AGPAT4: variants seen among roughly 807,000 people sequenced by gnomAD.
AGPAT4 encodes 1-acyl-sn-glycerol-3-phosphate acyltransferase delta.
Under a neutral mutation model 48.0 loss-of-function variants are expected in AGPAT4, and 15 were observed. That is an observed-to-expected ratio of 0.31 (90% CI 0.21 to 0.48). The LOEUF (loss-of-function observed/expected upper bound fraction) is 0.48, where lower values mean the gene tolerates loss of function less well. Among genes scored for constraint, AGPAT4 ranks in the 20% least tolerant of loss-of-function variants. The pLI is 0.99. For synonymous variants in AGPAT4, 178 were observed against 198.7 expected (o/e 0.90, Z 0.88); for missense variants, 314 against 482.5 (o/e 0.65, Z 3.27).
At position 161,267,569 on chromosome 6, in the gene AGPAT4, A is replaced by G. The variant is rs1783301861; in HGVS notation, c.-90+6369T>C. Among the ~76,000 whole-genome samples, 1 of 152,002 alleles carries G rather than the reference A, an allele frequency of 6.6e-6. No individual in the cohort carries two copies. The highest frequency in any genetic ancestry group is 6.6e-5 in the Admixed American group (1 of 15,266). The stretch of plus-strand genomic sequence containing the variant: ...TCTCTACTAAAAATACACACGCAAA[A>G]AAATTAGCCAGGTGTGGTGGCGCAC... On this transcript the variant is annotated intron_variant, in intron 1 of 8. Coordinates refer to ENST00000320285, the MANE Select transcript of AGPAT4 (RefSeq NM_020133.3). This position sits in a 1 kb window ranked among gnomAD's most constrained non-coding sequence, Gnocchi z 5.2.
At chr6:161,186,899 T>A (rs1001092451) in intron 2 of AGPAT4, among the ~76,000 whole-genome samples, 3 of 152,198 alleles carry the variant, frequency 2.0e-5, no homozygotes, top group Non-Finnish European at 4.4e-5. Flanking sequence ...TTTCCAAGTT[T>A]CAGTTCAAAT....
In AGPAT4 at chr6:161,146,639, C is replaced by G. The variant is rs1315741518; in HGVS notation, c.768-40G>C. On this transcript the variant is annotated intron_variant, in intron 6 of 8. Transcript: ENST00000320285. The surrounding 1 kb of genome is among the most constrained non-coding windows in gnomAD (Gnocchi z 7.1). ...AGCAGCTAGCAGAGAGGAGGTGATG[C>G]CCCCCTACAACATACAGTTTCCAGT... 9 of 1,589,674 alleles carry G rather than the reference C, an allele frequency of 5.7e-6. No individual in the cohort carries two copies. In the East Asian group the frequency reaches 1.6e-4, roughly 28 times the overall value.
rs1782071502 is a variant in AGPAT4, at chr6:161,229,594, C to A, written c.178+2442G>T. Among the ~76,000 whole-genome samples, 1 of 152,078 alleles carries A rather than the reference C, an allele frequency of 6.6e-6. No individual in the cohort carries two copies. The highest frequency in any genetic ancestry group is 2.4e-5 in the African/African-American group (1 of 41,404). The stretch of plus-strand genomic sequence containing the variant: ...GCCCTGCTAACACCTATGGGGATAC[C>A]AGAAACGGAGAATCCTGGCGAGGAT... On this transcript the variant is annotated intron_variant, in intron 2 of 8. Coordinates refer to ENST00000320285, the MANE Select transcript of AGPAT4 (RefSeq NM_020133.3). The surrounding 1 kb of genome is among the most constrained non-coding windows in gnomAD (Gnocchi z 6.0).
chr6:161,231,384 C>G lies in AGPAT4; in HGVS notation c.178+652G>C, dbSNP rs1006121149. Among the ~76,000 whole-genome samples, 3 of 150,570 alleles carry G rather than the reference C, an allele frequency of 2.0e-5. No homozygotes were observed. Among genetic ancestry groups the G allele is most frequent in the Admixed American group, 1.3e-4 (2 of 15,210 alleles). ...ACATACACGGACACATACACACACA[C>G]AAATGAGTGTACTTAAAAGTGGAGA... is the stretch of plus-strand genomic sequence containing the variant. On this transcript the variant is annotated intron_variant, in intron 2 of 8. Transcript: ENST00000320285. The surrounding 1 kb of genome is among the most constrained non-coding windows in gnomAD (Gnocchi z 5.3).
In AGPAT4 at chr6:161,220,868, C is replaced by A. The variant is rs934445787; in HGVS notation, c.178+11168G>T. Among the ~76,000 whole-genome samples, 1 of 152,190 alleles carries A rather than the reference C, an allele frequency of 6.6e-6. No individual in the cohort carries two copies. Among genetic ancestry groups the A allele is most frequent in the Non-Finnish European group, 1.5e-5 (1 of 68,040 alleles). Reference sequence around the variant, plus strand: ...GTGCAATCTCGGCTCACTGCAACTTCTGCCTCCCGGGTTCAAGCAATTCTC... The same window carrying A: ...GTGCAATCTCGGCTCACTGCAACTTATGCCTCCCGGGTTCAAGCAATTCTC... On this transcript the variant is annotated intron_variant, in intron 2 of 8. Coordinates refer to ENST00000320285, the MANE Select transcript of AGPAT4 (RefSeq NM_020133.3). The surrounding 1 kb of genome is among the most constrained non-coding windows in gnomAD (Gnocchi z 6.0).
At position 161,271,543 on chromosome 6, in the gene AGPAT4, T is replaced by C. The variant is rs192273813; in HGVS notation, c.-90+2395A>G. ...TGACGGCTGACTCACCCTCTGGGTG[T>C]CACCTCTGTCAGCCTCTTCCATGGG... On this transcript the variant is annotated intron_variant, in intron 1 of 8. Transcript: ENST00000320285. 2.4e-4 allele frequency among the ~76,000 whole-genome samples: 37 copies of C among 152,330 alleles called. 1 individual carries two copies. The highest frequency in any genetic ancestry group is 2.4e-3 in the Admixed American group (36 of 15,300).
intron 1 of AGPAT4, among the ~76,000 whole-genome samples, chr6:161,253,486 C>CCTCTTG (rs1217778476): frequency 1.3e-5 from 2 of 151,716 alleles, no homozygotes; most frequent in Admixed American, 1.3e-4. Context: ...GATCTCCTGA[C>CCTCTTG]CTCTTGCTCC....
intron 2 of AGPAT4, among the ~76,000 whole-genome samples, chr6:161,213,304 G>A (rs1018753264): frequency 6.6e-6 from 1 of 152,164 alleles, no homozygotes; most frequent in African/African-American, 2.4e-5. Flanking sequence ...ATTAGGCCAA[G>A]TATAATAAAG....
At chr6:161,163,464 G>A (rs189754346) in intron 3 of AGPAT4, among the ~76,000 whole-genome samples, 12 of 152,228 alleles carry the variant, frequency 7.9e-5, no homozygotes, top group East Asian at 3.9e-4. Flanking sequence ...AGGCAATGCC[G>A]TTCTTTACCC....
chr6:161,185,097 A>G (rs1780729114), intron 2 of AGPAT4, among the ~76,000 whole-genome samples: 1 of 151,060 alleles, frequency 6.6e-6, no homozygotes. Flanking sequence ...ACGAAATGCA[A>G]TGTATGGGCC....
Position 161,158,970 on chromosome 6 carries a change from AC to A in AGPAT4, c.349-4661del, listed in dbSNP as rs1459284778. On this transcript the variant is annotated intron_variant, in intron 3 of 8. Coordinates refer to ENST00000320285, the MANE Select transcript of AGPAT4 (RefSeq NM_020133.3). This position sits in a 1 kb window ranked among gnomAD's most constrained non-coding sequence, Gnocchi z 5.3. The stretch of plus-strand genomic sequence containing the variant: ...TTCATGAAGGTTTCCCAGTAGGGTT[AC>A]CAGTTAGTCAAGTGAGCCAAGGTCA... Among the ~76,000 whole-genome samples the A allele has an allele frequency of 1.3e-5, 2 of 152,216 alleles. No individual in the cohort carries two copies. Among genetic ancestry groups the A allele is most frequent in the Non-Finnish European group, 1.5e-5 (1 of 68,036 alleles).
Position 161,184,638 on chromosome 6 carries a change from C to A in AGPAT4, c.179-18221G>T, listed in dbSNP as rs1201801268. Among the ~76,000 whole-genome samples, 1 of 152,144 alleles carries A rather than the reference C, an allele frequency of 6.6e-6. No individual in the cohort carries two copies. Among genetic ancestry groups the A allele is most frequent in the Admixed American group, 6.5e-5 (1 of 15,270 alleles). On this transcript the variant is annotated intron_variant, in intron 2 of 8. Coordinates refer to ENST00000320285, the MANE Select transcript of AGPAT4 (RefSeq NM_020133.3). The surrounding 1 kb of genome is among the most constrained non-coding windows in gnomAD (Gnocchi z 4.8). ...TCCTCCCAGGCTCTGTGGTCCACCT[C>A]TGTTCCTCTCCTACACCTAGTGGCA...
In AGPAT4 at chr6:161,153,397, A is replaced by G; in HGVS notation, c.613T>C (p.Leu205=). ...ATGGCGAAGCCCTTGGTTCGTGGCA[A>G]CAGGTGATGCTTGAGGCGAGGCAGC... The part of the protein sequence containing the change: ...KGLPRLKHHL[L]PRTKGFAITV... Residue 205 remains leucine (L), a synonymous_variant, in exon 5 of 9, where the codon TTG becomes CTG. Coordinates refer to ENST00000320285, the MANE Select transcript of AGPAT4 (RefSeq NM_020133.3). 6.2e-7 allele frequency: 1 copy of G among 1,611,450 alleles called. No individual in the cohort carries two copies. Among genetic ancestry groups the G allele is most frequent in the Admixed American group, 1.7e-5 (1 of 59,698 alleles).
intron 1 of AGPAT4, among the ~76,000 whole-genome samples, chr6:161,258,921 C>A (rs1387282888): frequency 6.6e-6 from 1 of 152,006 alleles, no homozygotes; most frequent in African/African-American, 2.4e-5. Flanking sequence ...CTCAGCCTCC[C>A]AAGTAGCTGG....
chr6:161,268,951 T>A (rs571470941), intron 1 of AGPAT4, among the ~76,000 whole-genome samples: 58 of 152,302 alleles, frequency 3.8e-4, no homozygotes, highest in African/African-American at 1.3e-3. Context: ...GCTGTTACTA[T>A]TAAGAAAGCT....
intron 2 of AGPAT4, among the ~76,000 whole-genome samples, chr6:161,210,017 G>A (rs910729): frequency 0.032 from 4,906 of 152,140 alleles, 281 homozygotes; most frequent in African/African-American, 0.11. Context: ...ACTTAGGAAC[G>A]TCTCTGTTTA....
intron 2 of AGPAT4, among the ~76,000 whole-genome samples, chr6:161,176,338 T>C (rs1210592168): frequency 6.6e-6 from 1 of 152,248 alleles, no homozygotes; most frequent in Non-Finnish European, 1.5e-5. Context: ...GGTGCATATA[T>C]GTTTAGGGTA....
rs1173326405 is a variant in AGPAT4, at chr6:161,236,229, T to A, written c.-89-3927A>T. Among the ~76,000 whole-genome samples the A allele has an allele frequency of 6.6e-6, 1 of 150,570 alleles. No individual in the cohort carries two copies. Among genetic ancestry groups the A allele is most frequent in the African/African-American group, 2.5e-5 (1 of 40,806 alleles). On this transcript the variant is annotated intron_variant, in intron 1 of 8. Coordinates refer to ENST00000320285, the MANE Select transcript of AGPAT4 (RefSeq NM_020133.3). The surrounding 1 kb of genome is among the most constrained non-coding windows in gnomAD (Gnocchi z 5.0). ...GAGCGCTACTTACAGAGTTTCTAAA[T>A]CAACAGAGAACTAGGAAGCTGCTGC...
intron 3 of AGPAT4, chr6:161,160,666 T>C: frequency 3.2e-6 from 1 of 308,356 alleles, no homozygotes; most frequent in South Asian, 3.1e-5. Flanking sequence ...TGATCACTAC[T>C]GGCTCTGCTT....
Sources: gnomAD v4.1 joint callset for allele counts (sites outside exome capture counted in the v4.1 genomes callset) on GRCh38, gnomAD v4.1.1 for gene constraint, Gnocchi (gnomAD v3.1) non-coding constraint, MANE v1.5 for transcripts, NCBI Gene and HGNC (gene_info 2026-07-23, HGNC 2026-07-21) for gene names.